PUDP: variants seen among roughly 807,000 people sequenced by gnomAD.
PUDP encodes pseudouridine 5'-phosphatase, also known as pseudouridine-5'-phosphatase.
Under a neutral mutation model 9.4 loss-of-function variants are expected in PUDP, and 8 were observed. That is an observed-to-expected ratio of 0.85 (90% CI 0.50 to 1.53). The LOEUF (loss-of-function observed/expected upper bound fraction) is 1.53, where lower values mean the gene tolerates loss of function less well. Ranked by LOEUF, PUDP falls within the 40% of genes most tolerant of loss-of-function variation. The probability of loss-of-function intolerance (pLI) is 0.00; values close to 1 mark genes in which losing one functional copy is unlikely to be tolerated. For missense variants in PUDP, 188 were observed against 189.7 expected, an observed-to-expected ratio of 0.99 and a Z score of 0.05; for synonymous variants, 99 against 80.7, an observed-to-expected ratio of 1.23 and a Z score of -1.22.
intron 1 of PUDP, among the ~76,000 whole-genome samples, chrX:6,984,464 A>G (rs191205510): frequency 1.5e-3 from 168 of 112,077 alleles, no homozygotes; most frequent in African/African-American, 4.8e-3. Context: ...ATAGAGTGCC[A>G]TAAGTGCTAT....
intron 1 of PUDP, among the ~76,000 whole-genome samples, chrX:7,120,219 G>GC (rs1376101294): frequency 1.8e-5 from 2 of 111,742 alleles, no homozygotes; most frequent in African/African-American, 6.5e-5. Flanking sequence ...AAATTCCATG[G>GC]CAACAGGGAA....
chrX:6,943,138 T>A (rs1928420171), intron 3 of PUDP, among the ~76,000 whole-genome samples: 1 of 111,765 alleles, frequency 8.9e-6, no homozygotes, highest in South Asian at 3.7e-4. Flanking sequence ...AGAACTATGA[T>A]GTACAATGTA....
At chrX:6,786,156 T>C (rs901531158) in intron 3 of PUDP, among the ~76,000 whole-genome samples, 1 of 111,884 alleles carries the variant, frequency 8.9e-6, no homozygotes, top group African/African-American at 3.2e-5. Context: ...CATTTCACTC[T>C]TCATTCACTT....
chrX:7,038,994 A>G (rs1303648079), intron 1 of PUDP, among the ~76,000 whole-genome samples: 1 of 111,274 alleles, frequency 9.0e-6, no homozygotes, highest in African/African-American at 3.3e-5. Context: ...TAGTGGCACA[A>G]TCATAGCTCA....
chrX:7,090,381 T>C (rs1220604070), intron 2 of PUDP, among the ~76,000 whole-genome samples: 1 of 111,208 alleles, frequency 9.0e-6, no homozygotes, highest in Non-Finnish European at 1.9e-5. Context: ...AGACCCACCA[T>C]TTCAATGCAA....
At chrX:6,914,331 T>C (rs954203489) in intron 3 of PUDP, among the ~76,000 whole-genome samples, 20 of 111,585 alleles carry the variant, frequency 1.8e-4, no homozygotes, top group African/African-American at 5.9e-4. Context: ...GCATCTGCTT[T>C]GGTGATTAAT....
chrX:6,874,056 C>T (rs996772476), intron 3 of PUDP, among the ~76,000 whole-genome samples: 2 of 109,979 alleles, frequency 1.8e-5, no homozygotes, highest in Non-Finnish European at 3.8e-5. Context: ...AGGCCAGGAG[C>T]TCAAGGCTAC....
chrX:6,904,527 C>T (rs1927739888), intron 3 of PUDP, among the ~76,000 whole-genome samples: 1 of 110,813 alleles, frequency 9.0e-6, no homozygotes, highest in Admixed American at 9.6e-5. Context: ...TAACCCAAGG[C>T]CAGTAGCTAC....
At chrX:7,051,919 G>A (rs758797720) in intron 3 of PUDP, among the ~76,000 whole-genome samples, 59 of 112,617 alleles carry the variant, frequency 5.2e-4, no homozygotes, top group African/African-American at 1.8e-3. Context: ...GACCTATGCT[G>A]AGGAGTCTCC....
intron 1 of PUDP, among the ~76,000 whole-genome samples, chrX:7,115,143 C>A (rs1932159874): frequency 8.9e-6 from 1 of 112,209 alleles, no homozygotes; most frequent in Admixed American, 9.4e-5. Flanking sequence ...CGGACATGGC[C>A]AGGGTAAAGT....
chrX:6,991,028 T>C (rs1215162056), intron 1 of PUDP, among the ~76,000 whole-genome samples: 4 of 112,139 alleles, frequency 3.6e-5, no homozygotes, highest in African/African-American at 9.7e-5. Flanking sequence ...GGGAGCATGC[T>C]TGCACTTCCC....
chrX:6,729,999 A>G (rs148781573), intron 3 of PUDP, among the ~76,000 whole-genome samples: 2,314 of 112,210 alleles, frequency 0.021, 55 homozygotes, highest in African/African-American at 0.07. Context: ...TCTCATGGTG[A>G]CTGGCCAAGG....
intron 3 of PUDP, among the ~76,000 whole-genome samples, chrX:6,756,198 T>G (rs1199285704): frequency 9.1e-6 from 1 of 109,446 alleles, no homozygotes; most frequent in African/African-American, 3.3e-5. Flanking sequence ...AAACATAGAG[T>G]TCCCATAGGA....
At chrX:7,037,070 TG>T (rs1239121191) in intron 1 of PUDP, among the ~76,000 whole-genome samples, 2 of 111,929 alleles carry the variant, frequency 1.8e-5, no homozygotes, top group Non-Finnish European at 3.8e-5. Context: ...GGCCCCCGGC[TG>T]GCTCCACCCT....
chrX:6,751,363 C>G (rs181021316), intron 3 of PUDP, among the ~76,000 whole-genome samples: 1 of 111,162 alleles, frequency 9.0e-6, no homozygotes, highest in African/African-American at 3.3e-5. Context: ...CTTGACAATT[C>G]CCTTCGCAAA....
chrX:7,052,323 C>T lies in PUDP; in HGVS notation c.511-1851G>A, dbSNP rs1460276975. On this transcript the variant is annotated intron_variant, in intron 3 of 3. Coordinates refer to ENST00000381077, the MANE Select transcript of PUDP (RefSeq NM_012080.5). Reference sequence around the variant, plus strand: ...AAGTGCTGGGATTACAGGTGTGTGCCACCACACCTGGCCCCCTTTGCCTTT... The same window carrying T: ...AAGTGCTGGGATTACAGGTGTGTGCTACCACACCTGGCCCCCTTTGCCTTT... Among the ~76,000 whole-genome samples, 7 of 111,684 alleles carry T rather than the reference C, an allele frequency of 6.3e-5. 1 individual carries two copies. The East Asian group carries it at 1.1e-3, about 18-fold the overall frequency.
At chrX:7,119,944 G>T (rs1932295055) in intron 1 of PUDP, among the ~76,000 whole-genome samples, 1 of 111,627 alleles carries the variant, frequency 9.0e-6, no homozygotes, top group Admixed American at 9.5e-5. Flanking sequence ...AAAGAGCAAG[G>T]GTCGTACGAG....
chrX:6,820,398 C>T (rs1301047407), intron 3 of PUDP, among the ~76,000 whole-genome samples: 1 of 110,957 alleles, frequency 9.0e-6, no homozygotes, highest in Admixed American at 9.6e-5. Context: ...CCCAACAGTT[C>T]CCCAAAAGTC....
At chrX:7,063,031 A>G (rs1930452116) in intron 3 of PUDP, among the ~76,000 whole-genome samples, 1 of 109,713 alleles carries the variant, frequency 9.1e-6, no homozygotes, top group Admixed American at 9.8e-5. Context: ...AGATGGCCTC[A>G]TGCAAACTGT....
Sources: allele counts gnomAD v4.1 joint callset (sites outside exome capture counted in the v4.1 genomes callset), GRCh38; gene constraint gnomAD v4.1.1; transcripts MANE v1.5; gene names NCBI Gene and HGNC (gene_info 2026-07-23, HGNC 2026-07-21).